ABCG2: variants seen among roughly 807,000 people sequenced by gnomAD.
ABCG2 encodes the protein broad substrate specificity ATP-binding cassette transporter ABCG2.
ABCG2 carries 80 observed loss-of-function variants against 73.5 expected under a neutral mutation model. That is an observed-to-expected ratio of 1.09 (90% CI 0.91 to 1.31). ABCG2 has a LOEUF of 1.31. Ranked by LOEUF, ABCG2 falls within the 50% of genes most tolerant of loss-of-function variation. ABCG2 has a pLI of 0.00. For synonymous variants in ABCG2, 269 were observed against 282.4 expected (o/e 0.95, Z 0.48); for missense variants, 796 against 786.2 (o/e 1.01, Z -0.15).
chr4:88,099,314 A>G lies in ABCG2; in HGVS notation c.1492+10T>C, dbSNP rs750450776. The stretch of plus-strand genomic sequence containing the variant: ...AAGACATGTCCTTTTTTGTTTTGTT[A>G]CATACTTACCTAACATGAAGTACAC... On this transcript the variant is annotated intron_variant, in intron 12 of 15. Transcript: ENST00000237612. The G allele has an allele frequency of 3.8e-6, 6 of 1,580,502 alleles. No homozygotes were observed. The Admixed American group carries it at 9.4e-5, about 25-fold the overall frequency.
At chr4:88,195,376 G>A (rs1225894466) in intron 1 of ABCG2, among the ~76,000 whole-genome samples, 2 of 152,092 alleles carry the variant, frequency 1.3e-5, no homozygotes, top group Admixed American at 1.3e-4. Flanking sequence ...AACTTAGAAG[G>A]GTTTGTTCCG....
chr4:88,114,576 G>A (rs1381623457), intron 8 of ABCG2, among the ~76,000 whole-genome samples: 1 of 146,526 alleles, frequency 6.8e-6, no homozygotes, highest in Non-Finnish European at 1.5e-5. Flanking sequence ...TCAGTGAGCC[G>A]AAATAGCACC....
intron 1 of ABCG2, among the ~76,000 whole-genome samples, chr4:88,194,250 A>G (rs1488346665): frequency 1.3e-5 from 2 of 151,936 alleles, no homozygotes; most frequent in African/African-American, 4.8e-5. Flanking sequence ...AAGCAACAAG[A>G]CAGAAGGAGT....
At position 88,222,433 on chromosome 4, in the gene ABCG2, G is replaced by A. The variant is rs111787522; in HGVS notation, c.-20+8561C>T. 9.1e-3 allele frequency among the ~76,000 whole-genome samples: 1,381 copies of A among 152,204 alleles called. 12 individuals carry two copies. Among genetic ancestry groups the A allele is most frequent in the Middle Eastern group, 0.017 (5 of 294 alleles). On this transcript the variant is annotated intron_variant, in intron 1 of 15. Transcript: ENST00000515655. ...CACTGAATCGTGGGCCGCTGTTCTC[G>A]TGATAGTGAATGAGTCTCATGAGAT...
chr4:88,218,734 C>A (rs1007261007), intron 1 of ABCG2, among the ~76,000 whole-genome samples: 4 of 152,210 alleles, frequency 2.6e-5, no homozygotes, highest in African/African-American at 9.6e-5. Context: ...GAATAATAGT[C>A]TCCAATCCCA....
chr4:88,200,759 G>C lies in ABCG2; in HGVS notation c.-20+30235C>G, dbSNP rs1578273717. On this transcript the variant is annotated intron_variant, in intron 1 of 15. Transcript: ENST00000515655. Reference sequence around the variant, plus strand: ...AATCTCCTGACCTGGTGATCCACCTGCCTCAGCCTCCCAAAGTGCTAGGAT... The same window carrying C: ...AATCTCCTGACCTGGTGATCCACCTCCCTCAGCCTCCCAAAGTGCTAGGAT... Among the ~76,000 whole-genome samples, 5 of 150,878 alleles carry C rather than the reference G, an allele frequency of 3.3e-5. 1 individual carries two copies. In the South Asian group the frequency reaches 1.1e-3, roughly 32 times the overall value.
At chr4:88,212,524 T>C (rs1729645483) in intron 1 of ABCG2, among the ~76,000 whole-genome samples, 1 of 152,226 alleles carries the variant, frequency 6.6e-6, no homozygotes, top group African/African-American at 2.4e-5. Context: ...GTTACCTATG[T>C]ACTTGCAGGT....
chr4:88,107,399 G>A lies in ABCG2; in HGVS notation c.1195-133C>T, dbSNP rs1578181027. ...CATTAAGATAAACACTCAATGGCTT[G>A]GCCAACGTCCCTGGGAGAAAATAAA... On this transcript the variant is annotated intron_variant, in intron 9 of 15. Transcript: ENST00000237612. 6.9e-6 allele frequency: 4 copies of A among 578,370 alleles called. No individual in the cohort carries two copies. The South Asian group carries it at 1.2e-4, about 17-fold the overall frequency. The allele number at this position is 578,370 out of a possible 1,614,324, so 35.8% of individuals were successfully genotyped here.
At chr4:88,208,938 G>T (rs1356692767) in intron 1 of ABCG2, among the ~76,000 whole-genome samples, 2 of 152,022 alleles carry the variant, frequency 1.3e-5, no homozygotes, top group Non-Finnish European at 2.9e-5. Context: ...GGAGGCGGAG[G>T]TTACAGTGAG....
Position 88,097,557 on chromosome 4 carries a change from T to G in ABCG2, c.1543A>C (p.Met515Leu). 1.9e-6 allele frequency: 3 copies of G among 1,614,162 alleles called. No homozygotes were observed. The highest frequency in any genetic ancestry group is 2.5e-6 in the Non-Finnish European group (3 of 1,180,002). ...ATGGAACTGGCTGAATAAGCCACCATCATAAGGGTAAACATCATAACGAAG... is the reference window on the plus strand; with the variant it reads ...ATGGAACTGGCTGAATAAGCCACCAGCATAAGGGTAAACATCATAACGAAG... ...AFFVMMFTLMMVAYSASSMAL... is the reference protein window; with the variant it reads ...AFFVMMFTLMLVAYSASSMAL... Residue 515 changes from methionine (M) to leucine (L), a missense_variant, in exon 13 of 16, where the codon ATG (methionine) becomes CTG (leucine). Coordinates refer to ENST00000237612, the MANE Select transcript of ABCG2 (RefSeq NM_004827.3).
chr4:88,100,739 T>C (rs1289596556), intron 11 of ABCG2, among the ~76,000 whole-genome samples: 1 of 152,180 alleles, frequency 6.6e-6, no homozygotes, highest in Non-Finnish European at 1.5e-5. Context: ...CTCGTGCCAC[T>C]TCCCTGGTCC....
At chr4:88,105,169 G>A (rs1005286630) in intron 10 of ABCG2, among the ~76,000 whole-genome samples, 4 of 152,154 alleles carry the variant, frequency 2.6e-5, no homozygotes, top group Admixed American at 6.5e-5. Context: ...CACTCTCATC[G>A]TAGAGTAACA....
At chr4:88,223,654 G>A (rs559708469) in intron 1 of ABCG2, 1 of 152,518 alleles carries the variant, frequency 6.6e-6, no homozygotes, top group South Asian at 2.1e-4. Context: ...TGTGAGAATG[G>A]ACTAATACAA....
intron 3 of ABCG2, among the ~76,000 whole-genome samples, chr4:88,132,322 C>T (rs544339799): frequency 6.6e-6 from 1 of 152,174 alleles, no homozygotes; most frequent in Non-Finnish European, 1.5e-5. Context: ...CTTTTTCCTC[C>T]CTATTAGCTG....
At chr4:88,126,880 A>G (rs989027294) in intron 5 of ABCG2, among the ~76,000 whole-genome samples, 6 of 151,680 alleles carry the variant, frequency 4.0e-5, no homozygotes, top group Non-Finnish European at 7.4e-5. Flanking sequence ...ACAAGGACGC[A>G]CTCTCTCACC....
chr4:88,173,559 A>G (rs1457676903), intron 1 of ABCG2, among the ~76,000 whole-genome samples: 1 of 152,196 alleles, frequency 6.6e-6, no homozygotes, highest in East Asian at 1.9e-4. Context: ...TATAAAAGAT[A>G]TGGATTCTAT....
intron 1 of ABCG2, among the ~76,000 whole-genome samples, chr4:88,180,658 G>C (rs529875647): frequency 6.6e-6 from 1 of 152,182 alleles, no homozygotes; most frequent in East Asian, 1.9e-4. Flanking sequence ...AGGCTGAGGT[G>C]GGGGGGCTCA....
intron 10 of ABCG2, among the ~76,000 whole-genome samples, chr4:88,102,583 G>A (rs1362207325): frequency 5.0e-5 from 7 of 139,842 alleles, no homozygotes; most frequent in African/African-American, 1.0e-4. Context: ...GTGACAGAGC[G>A]AGACACTGTC....
chr4:88,147,171 C>G (rs914268147), intron 1 of ABCG2, among the ~76,000 whole-genome samples: 1 of 152,170 alleles, frequency 6.6e-6, no homozygotes, highest in African/African-American at 2.4e-5. Context: ...CCCTCACAGG[C>G]TTCCCTATGA....
Sources: gnomAD v4.1 joint callset for allele counts (sites outside exome capture counted in the v4.1 genomes callset) on GRCh38, gnomAD v4.1.1 for gene constraint, MANE v1.5 for transcripts, NCBI Gene and HGNC (gene_info 2026-07-23, HGNC 2026-07-21) for gene names.